VPS53: variants seen among roughly 807,000 people sequenced by gnomAD.
VPS53 encodes vacuolar protein sorting-associated protein 53 homolog.
In VPS53, 70 loss-of-function variants were observed where a neutral mutation model predicts 107.0. The ratio of observed to expected loss-of-function variants is 0.65; its 90% CI spans 0.54 to 0.80. The LOEUF is 0.80. VPS53 is among the 30% of genes least tolerant of loss of function. The pLI is 0.00. For synonymous variants in VPS53, 409 were observed against 393.3 expected (o/e 1.04, Z -0.47); for missense variants, 917 against 1,049.4 (o/e 0.87, Z 1.74).
At chr17:590,431 AGAGAGG>A (rs1967581095) in intron 12 of VPS53, among the ~76,000 whole-genome samples, 2 of 150,408 alleles carry the variant, frequency 1.3e-5, no homozygotes, top group African/African-American at 2.4e-5. Flanking sequence ...AGGAGTGGTG[AGAGAGG>A]GCATCCCTGT....
chr17:578,663 G>A (rs1914873565), intron 13 of VPS53, among the ~76,000 whole-genome samples: 1 of 149,796 alleles, frequency 6.7e-6, no homozygotes, highest in Admixed American at 6.7e-5. Context: ...TGCATTCCCA[G>A]ACAACTTCCC....
At chr17:558,717 G>A (rs1912670629) in intron 15 of VPS53, among the ~76,000 whole-genome samples, 1 of 151,746 alleles carries the variant, frequency 6.6e-6, no homozygotes, top group Non-Finnish European at 1.5e-5. Flanking sequence ...CGGGCACAGG[G>A]GCTCACACCT....
chr17:610,123 T>C (rs1249980455), intron 11 of VPS53, among the ~76,000 whole-genome samples: 1 of 126,148 alleles, frequency 7.9e-6, no homozygotes. Flanking sequence ...AGAGTGAGAC[T>C]CCGTCACACA....
At chr17:654,680 T>C (rs538183245) in intron 6 of VPS53, among the ~76,000 whole-genome samples, 2 of 138,838 alleles carry the variant, frequency 1.4e-5, no homozygotes, top group East Asian at 4.2e-4. Flanking sequence ...GAGCTTGCAG[T>C]GAGCCTAGAT....
At chr17:599,479 T>A (rs1046124533) in intron 12 of VPS53, among the ~76,000 whole-genome samples, 3 of 151,276 alleles carry the variant, frequency 2.0e-5, no homozygotes, top group African/African-American at 4.8e-5. Context: ...CTGAAACATG[T>A]GCTGTGTCCA....
chr17:617,448 C>A (rs1259601953), intron 11 of VPS53, among the ~76,000 whole-genome samples: 1 of 152,264 alleles, frequency 6.6e-6, no homozygotes, highest in African/African-American at 2.4e-5. Flanking sequence ...GTCACCCAGA[C>A]TGGAGTGCAG....
At chr17:548,154 T>C (rs559904159) in intron 17 of VPS53, among the ~76,000 whole-genome samples, 2 of 152,202 alleles carry the variant, frequency 1.3e-5, no homozygotes, top group African/African-American at 4.8e-5. Flanking sequence ...TACTCCGGAG[T>C]GAGCGGCAGA....
chr17:666,451 G>C (rs1294846142), intron 4 of VPS53, among the ~76,000 whole-genome samples: 2 of 152,188 alleles, frequency 1.3e-5, no homozygotes, highest in African/African-American at 4.8e-5. Flanking sequence ...ATGACCTGAG[G>C]TCAGGAGTTC....
chr17:542,198 A>T (rs1910751158), intron 17 of VPS53, among the ~76,000 whole-genome samples: 1 of 152,246 alleles, frequency 6.6e-6, no homozygotes, highest in South Asian at 2.1e-4. Flanking sequence ...TGAATGAATC[A>T]TGTAGTGAAA....
At chr17:687,127 A>G (rs1241700485) in intron 4 of VPS53, among the ~76,000 whole-genome samples, 1 of 151,902 alleles carries the variant, frequency 6.6e-6, no homozygotes, top group Non-Finnish European at 1.5e-5. Context: ...TCTACCAAAA[A>G]TATAAAAACT....
intron 3 of VPS53, 144 bp from the exon 4 acceptor site, chr17:697,628 TCAGG>T: frequency 1.5e-6 from 1 of 681,266 alleles, no homozygotes; most frequent in Non-Finnish European, 2.5e-6. Context: ...GTGAGTGGCA[TCAGG>T]CAGGAGGAGG....
intron 1 of VPS53, among the ~76,000 whole-genome samples, chr17:712,621 G>A (rs1445970808): frequency 1.3e-5 from 2 of 152,096 alleles, no homozygotes; most frequent in African/African-American, 4.8e-5. Context: ...GCTAAAGTAA[G>A]AAAAAATTCT....
At chr17:528,595 C>CTTTT (rs138081726) in intron 19 of VPS53, among the ~76,000 whole-genome samples, 3 of 101,262 alleles carry the variant, frequency 3.0e-5, no homozygotes, top group Non-Finnish European at 5.5e-5. Flanking sequence ...TTTTTCAATT[C>CTTTT]TTTTTTTTTT....
At chr17:595,037 C>T (rs1597357171) in intron 12 of VPS53, among the ~76,000 whole-genome samples, 1 of 58,462 alleles carries the variant, frequency 1.7e-5, no homozygotes, top group Non-Finnish European at 3.5e-5. Flanking sequence ...CTCTAGTGTC[C>T]CCCTGGAGGA....
intron 12 of VPS53, among the ~76,000 whole-genome samples, chr17:598,136 T>C (rs1413937537): frequency 6.6e-6 from 1 of 152,216 alleles, no homozygotes; most frequent in Admixed American, 6.5e-5. Context: ...CACACCTGAC[T>C]GGTTTTGGTG....
chr17:535,336 G>A (rs1036361901), intron 18 of VPS53, among the ~76,000 whole-genome samples: 1 of 152,302 alleles, frequency 6.6e-6, no homozygotes, highest in South Asian at 2.1e-4. Flanking sequence ...TAAGTCAACC[G>A]ACTCCTCCTT....
intron 4 of VPS53, among the ~76,000 whole-genome samples, chr17:662,832 A>AAG (rs1971514626): frequency 1.3e-5 from 1 of 78,826 alleles, no homozygotes; most frequent in East Asian, 3.7e-4. Flanking sequence ...AGAAAGAGAA[A>AAG]GAAAGGAAGG....
chr17:642,792 T>G (rs372410955), intron 7 of VPS53, among the ~76,000 whole-genome samples: 63 of 85,216 alleles, frequency 7.4e-4, no homozygotes, highest in South Asian at 4.7e-3. Context: ...TACTTGGAAA[T>G]CAAGGACAAC....
intron 17 of VPS53, among the ~76,000 whole-genome samples, chr17:550,099 C>T (rs9889240): frequency 0.074 from 11,339 of 152,218 alleles, 1,387 homozygotes; most frequent in African/African-American, 0.26. Flanking sequence ...GCACTAGACC[C>T]GCCCGTTCCA....
Sources: allele counts gnomAD v4.1 joint callset (sites outside exome capture counted in the v4.1 genomes callset), GRCh38; gene constraint gnomAD v4.1.1; transcripts MANE v1.5; gene names NCBI Gene and HGNC (gene_info 2026-07-23, HGNC 2026-07-21).